Variants in GPR63 observed in about 807,000 individuals in gnomAD.
GPR63 encodes G protein-coupled receptor 63.
GPR63 carries 12 observed loss-of-function variants against 23.1 expected under a neutral mutation model. That is an observed-to-expected ratio of 0.52 (90% CI 0.33 to 0.84). The LOEUF is 0.84. GPR63 is among the 40% of genes least tolerant of loss of function. The probability of loss-of-function intolerance (pLI) is 0.02; values close to 1 mark genes in which losing one functional copy is unlikely to be tolerated. For synonymous variants in GPR63, 172 were observed against 191.1 expected (o/e 0.90, Z 0.82); for missense variants, 472 against 515.6 (o/e 0.92, Z 0.82).
chr6:96,821,334 C>CT (rs1050908208), intron 1 of GPR63, among the ~76,000 whole-genome samples: 3 of 152,216 alleles, frequency 2.0e-5, no homozygotes, highest in African/African-American at 7.2e-5. Context: ...TTGCAAATGA[C>CT]TATTTTTCCA....
intron 1 of GPR63, among the ~76,000 whole-genome samples, chr6:96,824,131 T>C (rs1467056344): frequency 6.6e-6 from 1 of 152,156 alleles, no homozygotes; most frequent in African/African-American, 2.4e-5. Context: ...AGTTATAGTT[T>C]ATTTGTTATA....
At position 96,798,494 on chromosome 6, in the gene GPR63, C is replaced by T. The variant is rs1017217987; in HGVS notation, c.1238G>A (p.Gly413Glu). 1 of 1,613,852 alleles carries T rather than the reference C, an allele frequency of 6.2e-7. No homozygotes were observed. The highest frequency in any genetic ancestry group is 8.5e-7 in the Non-Finnish European group (1 of 1,179,796). ...TATTCACACCACCGTCCGATGTTCC[C>T]CACACACATAGACAGCACTAGGACG... ...RIRPSAVYVC[G>E]EHRTVV The change falls in exon 2 of 2, where the codon GGG (glycine) becomes GAG (glutamate). Residue 413 changes from glycine to glutamate, a missense_variant. By Grantham distance (98) the Gly-to-Glu change is moderately conservative. Transcript: ENST00000229955.
chr6:96,820,758 C>T (rs531040306), intron 1 of GPR63, among the ~76,000 whole-genome samples: 1 of 152,096 alleles, frequency 6.6e-6, no homozygotes, highest in Non-Finnish European at 1.5e-5. Flanking sequence ...CCCTTAGCAA[C>T]TCTGTACTCA....
At chr6:96,804,180 G>A (rs757112390) in intron 1 of GPR63, among the ~76,000 whole-genome samples, 9 of 152,192 alleles carry the variant, frequency 5.9e-5, no homozygotes, top group Non-Finnish European at 1.0e-4. Context: ...AGAATGGTCA[G>A]TAGCGGTTGT....
chr6:96,828,224 T>C (rs1402518763), intron 1 of GPR63, among the ~76,000 whole-genome samples: 3 of 152,088 alleles, frequency 2.0e-5, no homozygotes, highest in African/African-American at 7.2e-5. Flanking sequence ...TCTTCCTGGT[T>C]TGTAGACACG....
In GPR63 at chr6:96,795,213, T is replaced by C. The variant is rs1351672823; in HGVS notation, c.*3259A>G. 2.0e-5 allele frequency: 3 copies of C among 152,212 alleles called. No homozygotes were observed. Among genetic ancestry groups the C allele is most frequent in the Non-Finnish European group, 2.9e-5 (2 of 68,038 alleles). The allele number at this position is 152,212 out of a possible 1,614,324, so 9.4% of individuals were successfully genotyped here. The stretch of plus-strand genomic sequence containing the variant: ...TTAAAGTTTAAATAATGTTACTCCA[T>C]ACTATTTGGAATTTCCCTTGCATCT... On this transcript the variant is annotated 3_prime_UTR_variant, in exon 2 of 2. Transcript: ENST00000229955.
chr6:96,819,986 A>AC (rs1411474908), intron 1 of GPR63, among the ~76,000 whole-genome samples: 1 of 150,612 alleles, frequency 6.6e-6, no homozygotes, highest in Non-Finnish European at 1.5e-5. Flanking sequence ...AAAAAAAAAA[A>AC]AAAAAACAAA....
In GPR63 at chr6:96,835,273, C is replaced by T. The variant is rs1344292370; in HGVS notation, c.-151+1995G>A. 2.0e-5 allele frequency among the ~76,000 whole-genome samples: 3 copies of T among 152,064 alleles called. No individual in the cohort carries two copies. The South Asian group carries it at 6.2e-4, about 32-fold the overall frequency. On this transcript the variant is annotated intron_variant, in intron 1 of 1. Transcript: ENST00000229955. Reference sequence around the variant, plus strand: ...TATTTTAGACCTACTGTTCCTGGTGCACATGTATTATTAGGTCCCTAAATG... The same window carrying T: ...TATTTTAGACCTACTGTTCCTGGTGTACATGTATTATTAGGTCCCTAAATG...
intron 1 of GPR63, among the ~76,000 whole-genome samples, chr6:96,834,268 A>T (rs1055635155): frequency 1.3e-5 from 2 of 152,160 alleles, no homozygotes; most frequent in Non-Finnish European, 2.9e-5. Context: ...GGCTGCCCAC[A>T]CTTCAAATCA....
At chr6:96,835,468 A>T (rs9374148) in intron 1 of GPR63, among the ~76,000 whole-genome samples, 100,386 of 151,918 alleles carry the variant, frequency 0.66, 34,044 homozygotes, top group African/African-American at 0.81. Flanking sequence ...AAAACAATCA[A>T]CCCAAATTAA....
At chr6:96,818,482 T>G (rs1489740825) in intron 1 of GPR63, among the ~76,000 whole-genome samples, 1 of 152,018 alleles carries the variant, frequency 6.6e-6, no homozygotes, top group African/African-American at 2.4e-5. Flanking sequence ...AAAATTTTCA[T>G]GTACGTCATA....
At chr6:96,834,945 C>G (rs1436755500) in intron 1 of GPR63, among the ~76,000 whole-genome samples, 11 of 152,150 alleles carry the variant, frequency 7.2e-5, no homozygotes. Context: ...CTCTAAATCC[C>G]AGATCTATGA....
chr6:96,801,217 T>C (rs1236353298), intron 1 of GPR63, among the ~76,000 whole-genome samples: 1 of 151,942 alleles, frequency 6.6e-6, no homozygotes, highest in Non-Finnish European at 1.5e-5. Context: ...TTGATTTTTT[T>C]TTTTTTTTTC....
intron 1 of GPR63, among the ~76,000 whole-genome samples, chr6:96,801,418 C>T (rs1030398003): frequency 5.9e-5 from 9 of 152,086 alleles, no homozygotes; most frequent in African/African-American, 4.8e-5. Context: ...AGGCTGGTCT[C>T]GAACTCCTGA....
intron 1 of GPR63, among the ~76,000 whole-genome samples, chr6:96,804,058 CT>C (rs1026371372): frequency 1.3e-5 from 2 of 152,156 alleles, no homozygotes; most frequent in Non-Finnish European, 2.9e-5. Flanking sequence ...ATTTATGATT[CT>C]CTCTTATTCC....
intron 1 of GPR63, among the ~76,000 whole-genome samples, chr6:96,818,396 G>A (rs543317172): frequency 6.6e-6 from 1 of 152,148 alleles, no homozygotes; most frequent in East Asian, 1.9e-4. Context: ...CCAGGAGGCA[G>A]ATGTTGCAAT....
intron 1 of GPR63, among the ~76,000 whole-genome samples, chr6:96,823,332 T>C (rs1380031075): frequency 6.6e-6 from 1 of 152,074 alleles, no homozygotes; most frequent in Non-Finnish European, 1.5e-5. Flanking sequence ...GGACAAGCTA[T>C]AGAAGTGGAA....
At chr6:96,828,166 G>GATCT (rs1042340850) in intron 1 of GPR63, among the ~76,000 whole-genome samples, 49 of 152,210 alleles carry the variant, frequency 3.2e-4, no homozygotes, top group African/African-American at 1.2e-3. Flanking sequence ...CTGGGGGCTA[G>GATCT]AAGTCCAAGA....
At chr6:96,815,112 C>T (rs1173439404) in intron 1 of GPR63, among the ~76,000 whole-genome samples, 3 of 152,204 alleles carry the variant, frequency 2.0e-5, no homozygotes, top group African/African-American at 4.8e-5. Context: ...AACACTTCAA[C>T]TCCTTCAAAA....
Sources: allele counts gnomAD v4.1 joint callset (sites outside exome capture counted in the v4.1 genomes callset), GRCh38; gene constraint gnomAD v4.1.1; transcripts MANE v1.5; gene names NCBI Gene and HGNC (gene_info 2026-07-23, HGNC 2026-07-21).